Variants in LRRC37A observed in about 807,000 individuals in gnomAD.
LRRC37A encodes the protein leucine-rich repeat-containing protein 37A.
A neutral mutation model predicts 35.4 loss-of-function variants in LRRC37A; 3 were observed. The observed-to-expected ratio is 0.08, with a 90% CI of 0.04 to 0.22. The LOEUF (loss-of-function observed/expected upper bound fraction) is 0.22, where lower values mean the gene tolerates loss of function less well. LRRC37A is among the 10% of genes least tolerant of loss of function. LRRC37A has a pLI of 1.00. For missense variants in LRRC37A, 67 were observed against 565.3 expected (o/e 0.12, Z 8.94); for synonymous variants, 23 against 215.0 (o/e 0.11, Z 7.81).
chr17:46,267,503 C>A, the LRRC37A span: 1 of 1,612,706 alleles, frequency 6.2e-7, no homozygotes, highest in Non-Finnish European at 8.5e-7. Flanking sequence ...TAAACCGTGT[C>A]CAGAGTTTAA....
At chr17:46,300,462 A>T (rs1249706963) in intron 2 of LRRC37A, among the ~76,000 whole-genome samples, 3 of 19,308 alleles carry the variant, frequency 1.6e-4, no homozygotes, top group Admixed American at 5.9e-4. Context: ...TATAACAAAA[A>T]CTCTCCTTGT....
At chr17:46,261,884 T>G in the LRRC37A span, among the ~76,000 whole-genome samples, 1 of 152,160 alleles carries the variant, frequency 6.6e-6, no homozygotes, top group Non-Finnish European at 1.5e-5. Flanking sequence ...AGTAAAAATA[T>G]TTTCCCCTTA....
chr17:46,263,077 G>A, the LRRC37A span, among the ~76,000 whole-genome samples: 1 of 152,026 alleles, frequency 6.6e-6, no homozygotes, highest in African/African-American at 2.4e-5. Context: ...GCTGGGTTTG[G>A]TGGTGGGTAC....
intron 10 of LRRC37A, chr17:46,334,939 C>T (rs1323761337): frequency 9.1e-6 from 1 of 110,420 alleles, no homozygotes. Context: ...TTAGTGATGA[C>T]TTAAATTACA....
At chr17:46,252,473 A>G in the LRRC37A span, among the ~76,000 whole-genome samples, 2 of 147,746 alleles carry the variant, frequency 1.4e-5, no homozygotes, top group Non-Finnish European at 3.1e-5. Context: ...GTCGGCAGAT[A>G]AACAAGTGAA....
At chr17:46,266,325 G>A in the LRRC37A span, among the ~76,000 whole-genome samples, 1 of 152,120 alleles carries the variant, frequency 6.6e-6, no homozygotes, top group Admixed American at 6.5e-5. Flanking sequence ...ACCGCAGCGC[G>A]CAAACGCACA....
chr17:46,252,300 G>A, the LRRC37A span, among the ~76,000 whole-genome samples: 1 of 151,432 alleles, frequency 6.6e-6, no homozygotes, highest in African/African-American at 2.4e-5. Context: ...CACTTCCTGG[G>A]CTTAAGTGAT....
At chr17:46,266,532 G>A in the LRRC37A span, among the ~76,000 whole-genome samples, 1 of 152,190 alleles carries the variant, frequency 6.6e-6, no homozygotes, top group South Asian at 2.1e-4. Flanking sequence ...TCATTAGCAT[G>A]AACGGGGACG....
At chr17:46,291,170 C>G (rs1157332155), upstream of LRRC37A, among the ~76,000 whole-genome samples, 1 of 152,234 alleles carries the variant, frequency 6.6e-6, no homozygotes, top group Admixed American at 6.5e-5. Flanking sequence ...CCTTGAGTTT[C>G]ATTTCCTAGT....
At chr17:46,269,667 C>T in the LRRC37A span, among the ~76,000 whole-genome samples, 26 of 152,230 alleles carry the variant, frequency 1.7e-4, no homozygotes, top group African/African-American at 6.3e-4. Context: ...TTCATGCCTC[C>T]CTGCTCCTAA....
the LRRC37A span, among the ~76,000 whole-genome samples, chr17:46,256,030 G>C: frequency 6.6e-6 from 1 of 152,144 alleles, no homozygotes; most frequent in Non-Finnish European, 1.5e-5. Flanking sequence ...GTATTAGAAG[G>C]TGGGGCCTTT....
At chr17:46,260,044 T>A in the LRRC37A span, 1 of 1,601,420 alleles carries the variant, frequency 6.2e-7, no homozygotes, top group Non-Finnish European at 8.5e-7. Context: ...AGCGGTCCAG[T>A]GCGAGCTGAA....
At chr17:46,280,248 CA>C in the LRRC37A span, among the ~76,000 whole-genome samples, 1 of 152,178 alleles carries the variant, frequency 6.6e-6, no homozygotes, top group African/African-American at 2.4e-5. Flanking sequence ...CCTGTAATCC[CA>C]GCTACTTGGG....
the LRRC37A span, among the ~76,000 whole-genome samples, chr17:46,273,864 A>C: frequency 2.0e-5 from 3 of 152,394 alleles, no homozygotes; most frequent in Non-Finnish European, 2.9e-5. Flanking sequence ...AGATCATCTA[A>C]CAAAAAATGT....
At chr17:46,280,170 C>T in the LRRC37A span, among the ~76,000 whole-genome samples, 2 of 152,002 alleles carry the variant, frequency 1.3e-5, no homozygotes, top group African/African-American at 4.8e-5. Context: ...TTGAGACCAG[C>T]TTGGCCAACA....
At chr17:46,254,964 T>C in the LRRC37A span, among the ~76,000 whole-genome samples, 1 of 151,942 alleles carries the variant, frequency 6.6e-6, no homozygotes, top group Non-Finnish European at 1.5e-5. Context: ...GCCTCCCAAG[T>C]AGCTGGGATT....
chr17:46,255,334 G>A, the LRRC37A span, among the ~76,000 whole-genome samples: 2 of 151,464 alleles, frequency 1.3e-5, no homozygotes, highest in African/African-American at 4.9e-5. Context: ...CTACTATTAT[G>A]GGCTAAGTGT....
the LRRC37A span, chr17:46,267,658 A>G: frequency 1.3e-5 from 17 of 1,322,360 alleles, no homozygotes; most frequent in Non-Finnish European, 1.8e-5. Flanking sequence ...ATTAGGATTT[A>G]GACGACAGGT....
upstream of LRRC37A, among the ~76,000 whole-genome samples, chr17:46,287,877 C>T (rs1002081072): frequency 6.6e-6 from 1 of 152,174 alleles, no homozygotes; most frequent in Non-Finnish European, 1.5e-5. Context: ...GACGTAATGA[C>T]AAAAGAAAAA....
Sources: gnomAD v4.1 joint callset for allele counts (sites outside exome capture counted in the v4.1 genomes callset) on GRCh38, gnomAD v4.1.1 for gene constraint, MANE v1.5 for transcripts, NCBI Gene and HGNC (gene_info 2026-07-23, HGNC 2026-07-21) for gene names.